RIF1: variants seen among roughly 807,000 people sequenced by gnomAD.
RIF1 encodes the protein telomere-associated protein RIF1.
Under a neutral mutation model 247.1 loss-of-function variants are expected in RIF1, and 45 were observed. The ratio of observed to expected loss-of-function variants is 0.18; its 90% CI spans 0.14 to 0.23. The LOEUF is 0.23. Ranked by LOEUF, RIF1 falls within the 10% of genes least tolerant of loss-of-function variation. The pLI, the probability that RIF1 is intolerant of heterozygous loss-of-function variation, is 1.00. For missense variants in RIF1, 2,967 were observed against 2,862.5 expected, an observed-to-expected ratio of 1.04 and a Z score of -0.83; for synonymous variants, 1,087 against 978.8, an observed-to-expected ratio of 1.11 and a Z score of -2.06.
In RIF1 at chr2:151,491,675, T is replaced by C. The variant is rs1293280918; in HGVS notation, c.*416-3554T>C. ...GTTTATGTTGTAAGCCTTTTTCAGC[T>C]AACACACCATTAATCATGTGTAAGC... On this transcript the variant is annotated intron_variant and NMD_transcript_variant, in intron 9 of 13. Transcript: ENST00000454583. 2 of 1,574,022 alleles carry C rather than the reference T, an allele frequency of 1.3e-6. No individual in the cohort carries two copies. The highest frequency in any genetic ancestry group is 1.7e-6 in the Non-Finnish European group (2 of 1,155,844).
chr2:151,423,110 T>A, intron 8 of RIF1, 68 bp downstream of exon 8: 1 of 839,936 alleles, frequency 1.2e-6, no homozygotes, highest in Non-Finnish European at 2.0e-6. Flanking sequence ...TTACCTTTTC[T>A]TTGTACAGTT....
intron 34 of RIF1, among the ~76,000 whole-genome samples, chr2:151,471,425 T>G (rs907605884): frequency 3.9e-5 from 6 of 152,250 alleles, no homozygotes; most frequent in African/African-American, 1.2e-4. Context: ...TTTGGTGTTT[T>G]AGACGTGAAG....
rs753768193 is a variant in RIF1, at chr2:151,416,896, C to T, written c.498C>T (p.Ile166=). ...AVVDFEALNV[I]VRLIEQAPIQ... ...TTGATTTTGAAGCATTAAATGTTATCGTAAGGTATGCATTTGGATGTTGTG... is the reference window on the plus strand; with the variant it reads ...TTGATTTTGAAGCATTAAATGTTATTGTAAGGTATGCATTTGGATGTTGTG... Residue 166 remains isoleucine, a synonymous_variant, in exon 6 of 36, where the codon ATC becomes ATT. Coordinates refer to ENST00000444746, the MANE Select transcript of RIF1 (RefSeq NM_018151.5). 5.0e-6 allele frequency: 8 copies of T among 1,605,564 alleles called. No individual in the cohort carries two copies. The Admixed American group carries it at 5.0e-5, about 10-fold the overall frequency.
At chr2:151,422,279 C>T (rs1688318595) in intron 7 of RIF1, among the ~76,000 whole-genome samples, 2 of 151,746 alleles carry the variant, frequency 1.3e-5, no homozygotes, top group African/African-American at 4.8e-5. Context: ...AATACAGTGT[C>T]ATTTAAACTA....
chr2:151,473,378 C>G (rs1198247938), intron 34 of RIF1, among the ~76,000 whole-genome samples: 3 of 149,252 alleles, frequency 2.0e-5, no homozygotes, highest in East Asian at 2.0e-4. Flanking sequence ...CCCACTGCAG[C>G]TGCACCTCCT....
chr2:151,440,631 A>C (rs1275942578), intron 15 of RIF1, among the ~76,000 whole-genome samples: 5 of 152,150 alleles, frequency 3.3e-5, no homozygotes, highest in Admixed American at 2.0e-4. Context: ...CAATACCCTT[A>C]AATTCTGATT....
intron 8 of RIF1, 126 bp from the exon 9 acceptor site, chr2:151,428,658 C>T (rs945810720): frequency 1.4e-6 from 1 of 700,482 alleles, no homozygotes; most frequent in Non-Finnish European, 2.5e-6. Flanking sequence ...AATAATTTGT[C>T]TTTTGTCTCC....
chr2:151,489,586 G>T (rs1265366838), intron 9 of RIF1, among the ~76,000 whole-genome samples: 1 of 152,048 alleles, frequency 6.6e-6, no homozygotes, highest in Non-Finnish European at 1.5e-5. Flanking sequence ...TAGTAGAGAT[G>T]AAGTCTCACT....
rs370119605 is a variant in RIF1, at chr2:151,465,567, C to T, written c.6047C>T (p.Thr2016Ile). ...SDLHSSEETN[T>I]KMKNNEEMMI... is the part of the protein sequence containing the mutation. ...CTACACTCATCTGAAGAAACGAATA[C>T]CAAAATGAAAAATAATGAAGAAATG... Residue 2016 changes from threonine (T) to isoleucine (I), a missense_variant, in exon 30 of 36, where the codon ACC (threonine) becomes ATC (isoleucine). Thr to Ile is a moderately conservative substitution (Grantham distance 89). This residue lies in a region of RIF1 where 2,028 missense variants were observed against 1,825.6 expected (regional missense o/e 1.11). Transcript: ENST00000444746. 2 of 1,613,550 alleles carry T rather than the reference C, an allele frequency of 1.2e-6. No individual in the cohort carries two copies. Among genetic ancestry groups the T allele is most frequent in the African/African-American group, 2.7e-5 (2 of 74,868 alleles).
chr2:151,519,807 T>C, the RIF1 span: 30 of 1,364,284 alleles, frequency 2.2e-5, no homozygotes, highest in Non-Finnish European at 2.8e-5. Flanking sequence ...TTCCTGGACA[T>C]CAATCAATTT....
chr2:151,415,393 A>G (rs4315520), intron 4 of RIF1, among the ~76,000 whole-genome samples: 52,041 of 149,548 alleles, frequency 0.35, 9,400 homozygotes, highest in South Asian at 0.44. Context: ...ACATAGCTCT[A>G]ACTTCGATAC....
chr2:151,448,421 A>C (rs1460143971), intron 20 of RIF1, among the ~76,000 whole-genome samples: 1 of 152,202 alleles, frequency 6.6e-6, no homozygotes, highest in Non-Finnish European at 1.5e-5. Context: ...CTCAGTAATA[A>C]TCACTACCCA....
chr2:151,474,040 C>A lies in RIF1; in HGVS notation c.7172C>A (p.Ser2391Tyr), dbSNP rs1339142518. The change falls in exon 35 of 36, where the codon TCT becomes TAT. Residue 2391 changes from serine to tyrosine, a missense_variant. By Grantham distance (144) the Ser-to-Tyr change is moderately radical. Transcript: ENST00000444746. ...EKTVNGIENK[S>Y]LSPDEERLVS... ...ACAGTAAATGGAATAGAAAATAAAT[C>A]TTTGTCACCTGATGAAGAAAGACTT... is the stretch of plus-strand genomic sequence containing the variant. 5 of 1,562,908 alleles carry A rather than the reference C, an allele frequency of 3.2e-6. No homozygotes were observed. Among genetic ancestry groups the A allele is most frequent in the African/African-American group, 1.4e-5 (1 of 73,602 alleles).
At chr2:151,517,195 T>G in the RIF1 span, among the ~76,000 whole-genome samples, 1 of 152,178 alleles carries the variant, frequency 6.6e-6, no homozygotes, top group South Asian at 2.1e-4. Flanking sequence ...ATAAATAAAA[T>G]TTTCTCATCC....
the RIF1 span, chr2:151,518,919 C>A: frequency 7.3e-7 from 1 of 1,371,962 alleles, no homozygotes; most frequent in South Asian, 1.2e-5. Context: ...AATTTAGTTC[C>A]AAATGGGTAA....
chr2:151,499,420 A>C (rs1314625144), exon 11 of RIF1: 3 of 1,327,594 alleles, frequency 2.3e-6, no homozygotes, highest in Admixed American at 4.0e-5. Flanking sequence ...ATCCAGAAAA[A>C]ACAAGAGCAG....
At chr2:151,516,701 T>A in the RIF1 span, 1 of 669,776 alleles carries the variant, frequency 1.5e-6, no homozygotes, top group Non-Finnish European at 2.7e-6. Context: ...TCCTGTTATG[T>A]TTCAGATCCA....
At chr2:151,427,450 A>G (rs576746608) in intron 8 of RIF1, among the ~76,000 whole-genome samples, 97 of 149,430 alleles carry the variant, frequency 6.5e-4, no homozygotes, top group African/African-American at 2.3e-3. Flanking sequence ...ACCTTAGGTG[A>G]TTCGCCTGCC....
chr2:151,519,032 G>A, the RIF1 span: 1 of 1,613,678 alleles, frequency 6.2e-7, no homozygotes, highest in Non-Finnish European at 8.5e-7. Flanking sequence ...GTCAGTCACG[G>A]GTTTGTGAAG....
Sources: allele counts gnomAD v4.1 joint callset (sites outside exome capture counted in the v4.1 genomes callset), GRCh38; gene constraint gnomAD v4.1.1; regional missense constraint gnomAD v4.1.1; transcripts MANE v1.5; gene names NCBI Gene and HGNC (gene_info 2026-07-23, HGNC 2026-07-21).